Variants in FAM171B observed in about 807,000 individuals in gnomAD.
FAM171B encodes family with sequence similarity 171 member B, also known as protein FAM171B.
A neutral mutation model predicts 75.6 loss-of-function variants in FAM171B; 19 were observed. The ratio of observed to expected loss-of-function variants is 0.25; its 90% confidence interval spans 0.18 to 0.37. The LOEUF is 0.37. Among genes scored for constraint, FAM171B ranks in the 10% least tolerant of loss-of-function variants. The pLI is 1.00. For synonymous variants in FAM171B, 367 were observed against 361.7 expected (o/e 1.01, Z -0.17); for missense variants, 848 against 982.4 (o/e 0.86, Z 1.83).
intron 2 of FAM171B, 117 bp from the exon 3 acceptor site, chr2:186,743,366 A>G: frequency 1.6e-6 from 1 of 625,902 alleles, no homozygotes; most frequent in Non-Finnish European, 2.8e-6. Flanking sequence ...CTTCCCATCA[A>G]GCATTTGTTC....
intron 6 of FAM171B, among the ~76,000 whole-genome samples, chr2:186,757,720 CCTT>C (rs1355429101): frequency 6.6e-6 from 1 of 152,132 alleles, no homozygotes; most frequent in Non-Finnish European, 1.5e-5. Flanking sequence ...CTACCTAACT[CCTT>C]CTAGACATGC....
chr2:186,707,705 A>G (rs914625930), intron 1 of FAM171B, among the ~76,000 whole-genome samples: 4 of 152,088 alleles, frequency 2.6e-5, no homozygotes, highest in Non-Finnish European at 5.9e-5. Flanking sequence ...TTTGTGCCTC[A>G]GTGCCTTAAC....
At chr2:186,750,982 T>G (rs369438512) in intron 4 of FAM171B, 152 bp from the exon 5 acceptor site, 11 of 503,714 alleles carry the variant, frequency 2.2e-5, no homozygotes, top group East Asian at 2.1e-4. Context: ...AAATTACATT[T>G]AAAAAATCCT....
At chr2:186,721,551 A>G (rs934712186) in intron 1 of FAM171B, among the ~76,000 whole-genome samples, 2 of 152,236 alleles carry the variant, frequency 1.3e-5, no homozygotes, top group African/African-American at 4.8e-5. Context: ...AGCACCTTTT[A>G]GATATACACT....
chr2:186,698,321 T>A (rs962977342), intron 1 of FAM171B, among the ~76,000 whole-genome samples: 2 of 152,104 alleles, frequency 1.3e-5, no homozygotes, highest in African/African-American at 4.8e-5. Context: ...GGTGTGAAAA[T>A]TTTTGATTGC....
chr2:186,759,205 G>GATAGATGTTGTTGAT (rs1330290776), intron 6 of FAM171B, among the ~76,000 whole-genome samples: 1 of 152,090 alleles, frequency 6.6e-6, no homozygotes, highest in Non-Finnish European at 1.5e-5. Flanking sequence ...TCTGTTGATA[G>GATAGATGTTGTTGAT]ACACTTAGAT....
rs762103498 is a variant in FAM171B, at chr2:186,743,465, T to C, written c.473-18T>C. On this transcript the variant is annotated intron_variant, in intron 2 of 7. Transcript: ENST00000304698. ...CCTCACATTAAGTAAAATATTCTAA[T>C]TGTGCTATATTTCACAGTATATTCA... is the stretch of plus-strand genomic sequence containing the variant. 7 of 1,539,098 alleles carry C rather than the reference T, an allele frequency of 4.5e-6. No homozygotes were observed. The East Asian group carries it at 1.1e-4, about 25-fold the overall frequency.
Position 186,743,620 on chromosome 2 carries a change from C to T in FAM171B, c.565+45C>T, listed in dbSNP as rs557308183. On this transcript the variant is annotated intron_variant, in intron 3 of 7. Coordinates refer to ENST00000304698, the MANE Select transcript of FAM171B (RefSeq NM_177454.4). Reference sequence around the variant, plus strand: ...CTAAGTAAACACTTAAAGTTATTGTCGTATAACTGTACTTCTTCACTAAGA... The same window carrying T: ...CTAAGTAAACACTTAAAGTTATTGTTGTATAACTGTACTTCTTCACTAAGA... 73 of 1,233,160 alleles carry T rather than the reference C, an allele frequency of 5.9e-5. No individual in the cohort carries two copies. The South Asian group carries it at 7.0e-4, about 12-fold the overall frequency. 76.4% of individuals were successfully genotyped at this position (1,233,160 alleles called of 1,614,324 possible).
In FAM171B at chr2:186,764,933, A is replaced by G. The variant is rs187200586; in HGVS notation, c.*2110A>G. 7.9e-5 allele frequency: 12 copies of G among 152,138 alleles called. No individual in the cohort carries two copies. The highest frequency in any genetic ancestry group is 1.6e-4 in the Non-Finnish European group (11 of 67,902). The allele number at this position is 152,138 out of a possible 1,614,324, so 9.4% of individuals were successfully genotyped here. A position where few individuals can be genotyped will look rare whatever the true frequency, so the allele number is the denominator to read the frequency against. On this transcript the variant is annotated 3_prime_UTR_variant, in exon 8 of 8. Coordinates refer to ENST00000304698, the MANE Select transcript of FAM171B (RefSeq NM_177454.4). ...GAAATACACATATTGGTATAAGGGTATACCATTCAGGTATGCCACTTATTT... is the reference window on the plus strand; with the variant it reads ...GAAATACACATATTGGTATAAGGGTGTACCATTCAGGTATGCCACTTATTT...
rs756630153 is a variant in FAM171B at position 186,747,212 on chromosome 2, A to C, written c.686A>C (p.Asn229Thr). ...TVLQQFLKVD[N>T]FLHTTGITLN... ...CTACAACAGTTTTTGAAAGTGGACAATTTTCTGCATACAACTGGAATTACT... is the reference window on the plus strand; with the variant it reads ...CTACAACAGTTTTTGAAAGTGGACACTTTTCTGCATACAACTGGAATTACT... Residue 229 changes from asparagine to threonine, a missense_variant, in exon 4 of 8, where the codon AAT becomes ACT. Asn to Thr is a moderately conservative substitution (Grantham distance 65, BLOSUM62 0). Coordinates refer to ENST00000304698, the MANE Select transcript of FAM171B (RefSeq NM_177454.4). 1 of 1,605,908 alleles carries C rather than the reference A, an allele frequency of 6.2e-7. No individual in the cohort carries two copies. Among genetic ancestry groups the C allele is most frequent in the East Asian group, 2.2e-5 (1 of 44,524 alleles).
Position 186,761,553 on chromosome 2 carries a change from C to T in FAM171B, c.1211C>T (p.Thr404Ile). The change falls in exon 8 of 8, where the codon ACT becomes ATT. Residue 404 changes from threonine (T) to isoleucine (I), a missense_variant. Coordinates refer to ENST00000304698, the MANE Select transcript of FAM171B (RefSeq NM_177454.4). Reference protein sequence around the residue: ...KLEVLKRDQTTSTTHINHIST... With the variant: ...KLEVLKRDQTISTTHINHIST... ...GAGGTCCTCAAGAGAGACCAGACAA[C>T]TTCAACAACACACATAAATCATATC... is the stretch of plus-strand genomic sequence containing the variant. The T allele has an allele frequency of 1.9e-6, 3 of 1,608,494 alleles. No homozygotes were observed. The highest frequency in any genetic ancestry group is 2.5e-6 in the Non-Finnish European group (3 of 1,178,438).
chr2:186,710,946 G>A (rs1329600539), intron 1 of FAM171B, among the ~76,000 whole-genome samples: 1 of 151,868 alleles, frequency 6.6e-6, no homozygotes, highest in Non-Finnish European at 1.5e-5. Context: ...TATATACACA[G>A]GGAGTTTTCA....
chr2:186,723,904 C>A (rs762307366), intron 1 of FAM171B, among the ~76,000 whole-genome samples: 2 of 152,144 alleles, frequency 1.3e-5, no homozygotes, highest in African/African-American at 4.8e-5. Flanking sequence ...AGGATTAATT[C>A]TTTCATTAAT....
Position 186,762,963 on chromosome 2 carries a change from C to T in FAM171B, c.*140C>T. On this transcript the variant is annotated 3_prime_UTR_variant, in exon 8 of 8. Transcript: ENST00000304698. The surrounding 1 kb of genome is among the most constrained non-coding windows in gnomAD (Gnocchi z 4.0). ...GTCTCAAGCAGAGTAAATGGTAATTCAGTAATCAGAGAGAAAGATACCAAG... is the reference window on the plus strand; with the variant it reads ...GTCTCAAGCAGAGTAAATGGTAATTTAGTAATCAGAGAGAAAGATACCAAG... 1 of 1,004,472 alleles carries T rather than the reference C, an allele frequency of 1.0e-6. No individual in the cohort carries two copies. Among genetic ancestry groups the T allele is most frequent in the Non-Finnish European group, 1.4e-6 (1 of 696,626 alleles). 62.2% of individuals were successfully genotyped at this position (1,004,472 alleles called of 1,614,324 possible). A position where few individuals can be genotyped will look rare whatever the true frequency, so the allele number is the denominator to read the frequency against.
intron 1 of FAM171B, among the ~76,000 whole-genome samples, chr2:186,733,651 T>G (rs933460120): frequency 7.9e-5 from 12 of 152,062 alleles, no homozygotes; most frequent in African/African-American, 2.7e-4. Context: ...TGAGTGAGTG[T>G]GGGTGAGTGG....
chr2:186,761,087 C>A, intron 6 of FAM171B, 26 bp from the exon 7 acceptor site: 1 of 1,582,278 alleles, frequency 6.3e-7, no homozygotes, highest in Non-Finnish European at 8.6e-7. Context: ...ATAACATTTT[C>A]TCTTTGTTTA....
intron 1 of FAM171B, among the ~76,000 whole-genome samples, chr2:186,706,706 T>C (rs1316588387): frequency 6.6e-6 from 1 of 152,176 alleles, no homozygotes. Context: ...TTTCTGTTTA[T>C]AAGGAGTGGC....
intron 2 of FAM171B, among the ~76,000 whole-genome samples, chr2:186,741,715 G>A (rs1213822601): frequency 1.3e-5 from 2 of 152,084 alleles, no homozygotes; most frequent in East Asian, 1.9e-4. Flanking sequence ...CTTGGTAGAA[G>A]TACAAACTGG....
At position 186,761,994 on chromosome 2, in the gene FAM171B, C is replaced by T. The variant is rs768069267; in HGVS notation, c.1652C>T (p.Pro551Leu). 1.1e-5 allele frequency: 17 copies of T among 1,613,314 alleles called. No homozygotes were observed. Among genetic ancestry groups the T allele is most frequent in the East Asian group, 4.5e-5 (2 of 44,858 alleles). ...ILQTSDLFST[P>L]EQLHTAKSAT... ...CAAACATCTGACCTTTTCTCCACAC[C>T]GGAACAATTACATACTGCTAAGTCA... The change falls in exon 8 of 8, where the codon CCG (proline) becomes CTG (leucine). Residue 551 changes from proline (P) to leucine (L), a missense_variant. By Grantham distance (98) the Pro-to-Leu change is moderately conservative (BLOSUM62 -3). Coordinates refer to ENST00000304698, the MANE Select transcript of FAM171B (RefSeq NM_177454.4).
Sources: gnomAD v4.1 joint callset for allele counts (sites outside exome capture counted in the v4.1 genomes callset) on GRCh38, gnomAD v4.1.1 for gene constraint, Gnocchi (gnomAD v3.1) non-coding constraint, MANE v1.5 for transcripts, NCBI Gene and HGNC (gene_info 2026-07-23, HGNC 2026-07-21) for gene names.